Variants in MAGI2 observed in about 807,000 individuals in gnomAD.
The protein encoded by MAGI2 is membrane-associated guanylate kinase, WW and PDZ domain-containing protein 2.
In MAGI2, 35 loss-of-function variants were observed where a neutral mutation model predicts 133.3. The observed-to-expected ratio is 0.26, with a 90% CI of 0.20 to 0.35. The LOEUF is 0.35. MAGI2 is among the 10% of genes least tolerant of loss of function. The probability of loss-of-function intolerance (pLI) is 1.00; values close to 1 mark genes in which losing one functional copy is unlikely to be tolerated. For missense variants in MAGI2, 1,636 were observed against 1,863.4 expected (o/e 0.88, Z 2.25); for synonymous variants, 729 against 710.6 (o/e 1.03, Z -0.41).
intron 1 of MAGI2, among the ~76,000 whole-genome samples, chr7:79,111,571 A>C (rs1366463572): frequency 6.6e-6 from 1 of 152,228 alleles, no homozygotes; most frequent in Non-Finnish European, 1.5e-5. Flanking sequence ...ATACTCGGAA[A>C]AAATATAAGC....
chr7:78,547,545 T>A (rs552114246), intron 3 of MAGI2, among the ~76,000 whole-genome samples: 26 of 152,374 alleles, frequency 1.7e-4, no homozygotes, highest in African/African-American at 6.3e-4. Context: ...AATTTTCCAA[T>A]CTGTATATTC....
At chr7:78,630,178 G>A (rs896046231) in intron 2 of MAGI2, among the ~76,000 whole-genome samples, 2 of 151,392 alleles carry the variant, frequency 1.3e-5, no homozygotes, top group African/African-American at 4.8e-5. Context: ...AATACTTTAA[G>A]ATGCCTCTTG....
At chr7:78,546,076 C>G (rs1246196138) in intron 3 of MAGI2, among the ~76,000 whole-genome samples, 1 of 152,150 alleles carries the variant, frequency 6.6e-6, no homozygotes, top group Non-Finnish European at 1.5e-5. Flanking sequence ...TCATAAGAGG[C>G]TCTCTCAAGT....
intron 2 of MAGI2, among the ~76,000 whole-genome samples, chr7:78,922,745 C>G (rs1366044823): frequency 1.3e-5 from 2 of 151,812 alleles, no homozygotes; most frequent in African/African-American, 2.4e-5. Flanking sequence ...ATTTCTAGTT[C>G]TAGATCCCTG....
At chr7:78,823,598 A>T (rs1458897341) in intron 2 of MAGI2, among the ~76,000 whole-genome samples, 1 of 151,302 alleles carries the variant, frequency 6.6e-6, no homozygotes, top group Non-Finnish European at 1.5e-5. Context: ...AAAAAAAAAA[A>T]AAAAGAAATA....
intron 9 of MAGI2, among the ~76,000 whole-genome samples, chr7:78,317,748 G>T (rs975480678): frequency 2.6e-5 from 4 of 152,194 alleles, no homozygotes; most frequent in African/African-American, 9.7e-5. Context: ...GCTCTGGTTG[G>T]CATATGGTGG....
chr7:78,183,423 G>A (rs1050413073), intron 13 of MAGI2, among the ~76,000 whole-genome samples: 1 of 151,484 alleles, frequency 6.6e-6, no homozygotes, highest in Non-Finnish European at 1.5e-5. Flanking sequence ...GCACCACCAC[G>A]CCCAGCTAAT....
At chr7:78,157,500 A>G (rs1397249964) in intron 16 of MAGI2, among the ~76,000 whole-genome samples, 3 of 151,882 alleles carry the variant, frequency 2.0e-5, no homozygotes, top group Admixed American at 6.6e-5. Flanking sequence ...TTCTTTACAT[A>G]GTAAGTGCAC....
At chr7:79,158,299 A>C (rs1207264933) in intron 1 of MAGI2, among the ~76,000 whole-genome samples, 1 of 152,072 alleles carries the variant, frequency 6.6e-6, no homozygotes, top group Non-Finnish European at 1.5e-5. Context: ...TTTCACTACT[A>C]AAAATACATA....
At chr7:78,500,980 C>T (rs1794570050) in intron 5 of MAGI2, among the ~76,000 whole-genome samples, 1 of 152,114 alleles carries the variant, frequency 6.6e-6, no homozygotes, top group Non-Finnish European at 1.5e-5. Context: ...CCCAGCTACT[C>T]AGGAGACTGA....
At chr7:78,890,419 T>C (rs865943483) in intron 2 of MAGI2, among the ~76,000 whole-genome samples, 2 of 152,186 alleles carry the variant, frequency 1.3e-5, no homozygotes, top group African/African-American at 4.8e-5. Context: ...ATTAACAGAA[T>C]ATACATTCTT....
chr7:78,934,669 T>C (rs1219523152), intron 2 of MAGI2, among the ~76,000 whole-genome samples: 17 of 152,124 alleles, frequency 1.1e-4, no homozygotes, highest in Admixed American at 2.0e-4. Context: ...ATATAAAATA[T>C]AAATGAATTT....
At chr7:78,344,919 T>A (rs952094550) in intron 8 of MAGI2, among the ~76,000 whole-genome samples, 3 of 152,232 alleles carry the variant, frequency 2.0e-5, no homozygotes, top group African/African-American at 7.2e-5. Context: ...TTAAATTCCA[T>A]CACAGATAAA....
chr7:78,703,847 C>T (rs998018655), intron 2 of MAGI2, among the ~76,000 whole-genome samples: 6 of 151,762 alleles, frequency 4.0e-5, no homozygotes, highest in Admixed American at 1.3e-4. Flanking sequence ...CACACACACA[C>T]ACTTTTCTTC....
chr7:78,905,401 T>A (rs1797921038), intron 2 of MAGI2, among the ~76,000 whole-genome samples: 1 of 152,198 alleles, frequency 6.6e-6, no homozygotes, highest in Admixed American at 6.5e-5. Flanking sequence ...CTTACACCAC[T>A]TACCTAGTTG....
intron 9 of MAGI2, among the ~76,000 whole-genome samples, chr7:78,272,768 CT>C (rs989822941): frequency 6.6e-6 from 1 of 151,820 alleles, no homozygotes; most frequent in African/African-American, 2.4e-5. Context: ...GCAACCCCTG[CT>C]TTTTTTTGCT....
intron 2 of MAGI2, among the ~76,000 whole-genome samples, chr7:78,896,964 T>G (rs929713861): frequency 6.6e-6 from 1 of 152,192 alleles, no homozygotes; most frequent in African/African-American, 2.4e-5. Flanking sequence ...GTAGTTTTGT[T>G]TAAAATGCTC....
rs1313560026 is a variant in MAGI2, at chr7:78,067,753, TC to T, written c.3706+11193del. On this transcript the variant is annotated intron_variant, in intron 21 of 21. Transcript: ENST00000354212. ...AGGCATTATATGACTTTATTTCTGA[TC>T]CTGACTGAAGGTCTATAGTTAAATA... 4.6e-5 allele frequency among the ~76,000 whole-genome samples: 7 copies of T among 152,332 alleles called. No individual in the cohort carries two copies. In the South Asian group the frequency reaches 6.2e-4, roughly 14 times the overall value.
chr7:79,453,368 G>T lies in MAGI2; in HGVS notation c.-48C>A, dbSNP rs769301115. 1.9e-6 allele frequency: 3 copies of T among 1,547,580 alleles called. No individual in the cohort carries two copies. The highest frequency in any genetic ancestry group is 1.3e-5 in the South Asian group (1 of 79,814). On this transcript the variant is annotated 5_prime_UTR_variant, in exon 1 of 22. Transcript: ENST00000354212. ...GTTCCTGGGCTCCTTGGGGTTAGGGGGGCTGGTGGTGAGAGAATGAGGATG... is the reference window on the plus strand; with the variant it reads ...GTTCCTGGGCTCCTTGGGGTTAGGGTGGCTGGTGGTGAGAGAATGAGGATG...
Sources: gnomAD v4.1 joint callset for allele counts (sites outside exome capture counted in the v4.1 genomes callset) on GRCh38, gnomAD v4.1.1 for gene constraint, MANE v1.5 for transcripts, NCBI Gene and HGNC (gene_info 2026-07-23, HGNC 2026-07-21) for gene names.